Variants in KLHL1 observed in about 807,000 individuals in gnomAD.
KLHL1 encodes kelch like family member 1, also known as kelch-like protein 1.
In KLHL1, 47 loss-of-function variants were observed where a neutral mutation model predicts 77.7. The ratio of observed to expected loss-of-function variants is 0.60; its 90% CI spans 0.48 to 0.77. The LOEUF (loss-of-function observed/expected upper bound fraction) is 0.77, where lower values mean the gene tolerates loss of function less well. Ranked by LOEUF, KLHL1 falls within the 30% of genes least tolerant of loss-of-function variation. The probability of loss-of-function intolerance (pLI) is 0.00; values close to 1 mark genes in which losing one functional copy is unlikely to be tolerated. For synonymous variants in KLHL1, 360 were observed against 325.2 expected (o/e 1.11, Z -1.15); for missense variants, 925 against 910.8 (o/e 1.02, Z -0.20).
In KLHL1 at chr13:69,718,239, G is replaced by A. The variant is rs549801263; in HGVS notation, c.2015+1130C>T. 7.2e-5 allele frequency among the ~76,000 whole-genome samples: 11 copies of A among 152,134 alleles called. 1 individual carries two copies. The South Asian group carries it at 2.3e-3, about 32-fold the overall frequency. ...TCGCTTTTCTCCCAGATACAAGTTG[G>A]GATACTGCTCTCCCAAAAAGCTTTC... On this transcript the variant is annotated intron_variant, in intron 9 of 10. Coordinates refer to ENST00000377844, the MANE Select transcript of KLHL1 (RefSeq NM_020866.3).
chr13:69,735,826 A>G (rs1334004419), intron 8 of KLHL1, among the ~76,000 whole-genome samples: 1 of 151,964 alleles, frequency 6.6e-6, no homozygotes, highest in Non-Finnish European at 1.5e-5. Context: ...TTAAAATCTG[A>G]AAAATGTATA....
At chr13:69,902,846 G>T (rs7984430) in intron 4 of KLHL1, among the ~76,000 whole-genome samples, 121,878 of 151,676 alleles carry the variant, frequency 0.8, 50,989 homozygotes, top group East Asian at 0.97. Context: ...CATAGCACAT[G>T]TATACATATG....
At chr13:69,861,738 G>A (rs545714631) in intron 5 of KLHL1, among the ~76,000 whole-genome samples, 8 of 147,166 alleles carry the variant, frequency 5.4e-5, no homozygotes, top group Admixed American at 2.7e-4. Flanking sequence ...ACCTGAGGTC[G>A]GGAGTTCGAG....
At chr13:70,078,541 C>T (rs990236527) in intron 1 of KLHL1, among the ~76,000 whole-genome samples, 28 of 152,150 alleles carry the variant, frequency 1.8e-4, no homozygotes, top group Admixed American at 1.5e-3. Context: ...AGGGTATTGG[C>T]TTGGCAGTCA....
At chr13:70,072,640 C>G (rs1887162494) in intron 1 of KLHL1, among the ~76,000 whole-genome samples, 1 of 151,636 alleles carries the variant, frequency 6.6e-6, no homozygotes, top group South Asian at 2.1e-4. Context: ...CTTTGTCATT[C>G]AGAAAACAAT....
chr13:69,922,343 A>T (rs1882670031), intron 4 of KLHL1, among the ~76,000 whole-genome samples: 1 of 152,166 alleles, frequency 6.6e-6, no homozygotes, highest in African/African-American at 2.4e-5. Context: ...ACGTGTAAGG[A>T]CACAAAGTGG....
At chr13:70,029,650 T>C (rs968372957) in intron 1 of KLHL1, among the ~76,000 whole-genome samples, 19 of 152,136 alleles carry the variant, frequency 1.2e-4, no homozygotes, top group African/African-American at 4.6e-4. Context: ...TGCAAAAACA[T>C]GCCAAATCGT....
chr13:69,784,857 T>C (rs1211863506), intron 7 of KLHL1, among the ~76,000 whole-genome samples: 16 of 143,412 alleles, frequency 1.1e-4, no homozygotes, highest in African/African-American at 4.0e-4. Flanking sequence ...TACAGAACTC[T>C]CCACCCCAAA....
At chr13:69,749,150 T>A (rs1402775861) in intron 7 of KLHL1, among the ~76,000 whole-genome samples, 1 of 151,964 alleles carries the variant, frequency 6.6e-6, no homozygotes, top group Non-Finnish European at 1.5e-5. Context: ...TTAGGTAGGG[T>A]GAATAATTGG....
chr13:69,925,948 C>T (rs550738034), intron 4 of KLHL1, among the ~76,000 whole-genome samples: 1 of 152,270 alleles, frequency 6.6e-6, no homozygotes, highest in African/African-American at 2.4e-5. Flanking sequence ...ACATTTTCAC[C>T]TCATATAGCA....
At chr13:69,919,188 C>T (rs1016389152) in intron 4 of KLHL1, among the ~76,000 whole-genome samples, 8 of 152,200 alleles carry the variant, frequency 5.3e-5, no homozygotes, top group East Asian at 3.9e-4. Flanking sequence ...AACATAGAAA[C>T]GGTATTTTCT....
intron 4 of KLHL1, among the ~76,000 whole-genome samples, chr13:69,890,500 G>A (rs1368314044): frequency 6.6e-6 from 1 of 151,972 alleles, no homozygotes; most frequent in African/African-American, 2.4e-5. Context: ...TATCACTGCT[G>A]AATAGCTCTA....
At chr13:69,947,391 A>G (rs188659273) in intron 3 of KLHL1, among the ~76,000 whole-genome samples, 75 of 152,224 alleles carry the variant, frequency 4.9e-4, no homozygotes, top group Admixed American at 7.9e-4. Context: ...CCAGATCAAC[A>G]CTTGAAAAAA....
chr13:69,792,015 C>G (rs943545800), intron 7 of KLHL1, among the ~76,000 whole-genome samples: 1 of 152,096 alleles, frequency 6.6e-6, no homozygotes, highest in Non-Finnish European at 1.5e-5. Context: ...GCATGCTGGG[C>G]TTAATACCTA....
intron 4 of KLHL1, among the ~76,000 whole-genome samples, chr13:69,887,148 C>G (rs528695696): frequency 6.6e-6 from 1 of 152,100 alleles, no homozygotes. Flanking sequence ...GCGTCCTTTG[C>G]AAGCAAAGTT....
intron 4 of KLHL1, among the ~76,000 whole-genome samples, chr13:69,914,771 C>A (rs1281985610): frequency 6.6e-6 from 1 of 152,066 alleles, no homozygotes; most frequent in Non-Finnish European, 1.5e-5. Flanking sequence ...AATCTACAAT[C>A]CTTTCCTAGA....
chr13:69,840,550 A>G (rs78827544), intron 5 of KLHL1, among the ~76,000 whole-genome samples: 12,236 of 151,828 alleles, frequency 0.081, 933 homozygotes, highest in African/African-American at 0.2. Flanking sequence ...TGAATAAGAA[A>G]CATAATATTA....
rs369575567 is a variant in KLHL1 at position 69,998,744 on chromosome 13, G to C, written c.498-22942C>G. On this transcript the variant is annotated intron_variant, in intron 1 of 10. Coordinates refer to ENST00000377844, the MANE Select transcript of KLHL1 (RefSeq NM_020866.3). ...TCAGAAATCGGTTCTCTGATGGCTT[G>C]GGTTGTCTGGTCATCGTCTCAGAAG... 1.4e-4 allele frequency among the ~76,000 whole-genome samples: 21 copies of C among 152,124 alleles called. No individual in the cohort carries two copies. The East Asian group carries it at 2.1e-3, about 15-fold the overall frequency.
chr13:69,978,545 T>G (rs117326976), intron 1 of KLHL1, among the ~76,000 whole-genome samples: 49,526 of 150,528 alleles, frequency 0.33, 8,911 homozygotes, highest in African/African-American at 0.47. Flanking sequence ...GGGGTGCAGT[T>G]GCACGATCTT....
Sources: gnomAD v4.1 joint callset for allele counts (sites outside exome capture counted in the v4.1 genomes callset) on GRCh38, gnomAD v4.1.1 for gene constraint, MANE v1.5 for transcripts, NCBI Gene and HGNC (gene_info 2026-07-23, HGNC 2026-07-21) for gene names.